ITSN1: variants seen among roughly 807,000 people sequenced by gnomAD.
ITSN1 encodes the protein intersectin-1.
ITSN1 carries 58 observed loss-of-function variants against 239.8 expected under a neutral mutation model. That is an observed-to-expected ratio of 0.24 (90% CI 0.20 to 0.30). The LOEUF (loss-of-function observed/expected upper bound fraction) is 0.30, where lower values mean the gene tolerates loss of function less well. ITSN1 is among the 10% of genes least tolerant of loss of function. The pLI, the probability that ITSN1 is intolerant of heterozygous loss-of-function variation, is 1.00. For synonymous variants in ITSN1, 780 were observed against 770.8 expected (o/e 1.01, Z -0.20); for missense variants, 1,558 against 2,103.3 (o/e 0.74, Z 5.07).
chr21:33,898,923 G>C lies in ITSN1; in HGVS notation c.*10623G>C, dbSNP rs1986940256. On this transcript the variant is annotated 3_prime_UTR_variant, in exon 40 of 40. Transcript: ENST00000381318. Reference sequence around the variant, plus strand: ...TGAATAATCTGCAAATCACTTAGAGGCACTGTCCATGTGGTCCATAACTGG... The same window carrying C: ...TGAATAATCTGCAAATCACTTAGAGCCACTGTCCATGTGGTCCATAACTGG... 6.6e-6 allele frequency: 1 copy of C among 152,218 alleles called. No homozygotes were observed. The highest frequency in any genetic ancestry group is 1.5e-5 in the Non-Finnish European group (1 of 68,050). The allele number at this position is 152,218 out of a possible 1,614,324, so 9.4% of individuals were successfully genotyped here. A position where few individuals can be genotyped will look rare whatever the true frequency, so the allele number is the denominator to read the frequency against.
At chr21:33,821,996 C>A (rs1353270150) in intron 24 of ITSN1, among the ~76,000 whole-genome samples, 3 of 152,196 alleles carry the variant, frequency 2.0e-5, no homozygotes, top group African/African-American at 7.2e-5. Flanking sequence ...TGTGGGAAAT[C>A]ATTTTTCCAA....
At chr21:33,720,868 A>G (rs997568181) in intron 2 of ITSN1, among the ~76,000 whole-genome samples, 2 of 152,154 alleles carry the variant, frequency 1.3e-5, no homozygotes, top group Non-Finnish European at 2.9e-5. Flanking sequence ...GCTTGGGTTT[A>G]TGTAAGTAAA....
chr21:33,700,990 T>TGTGTG (rs1375498602), intron 1 of ITSN1, among the ~76,000 whole-genome samples: 96 of 149,436 alleles, frequency 6.4e-4, no homozygotes, highest in African/African-American at 2.1e-3. Context: ...TGTGTGTGTG[T>TGTGTG]TTTCTTATAG....
At chr21:33,857,710 CA>C (rs1569308963) in intron 30 of ITSN1, among the ~76,000 whole-genome samples, 2 of 152,154 alleles carry the variant, frequency 1.3e-5, no homozygotes, top group Non-Finnish European at 1.5e-5. Flanking sequence ...GATGCAAACT[CA>C]AAAAGGTGCC....
chr21:33,845,069 G>A (rs750307108), intron 29 of ITSN1, among the ~76,000 whole-genome samples: 12 of 151,942 alleles, frequency 7.9e-5, no homozygotes, highest in Non-Finnish European at 1.3e-4. Context: ...TGGTCATAGG[G>A]CCGTGCTCAG....
intron 16 of ITSN1, 89 bp from the exon 17 acceptor site, chr21:33,794,252 C>A: frequency 1.0e-6 from 1 of 992,574 alleles, no homozygotes; most frequent in Non-Finnish European, 1.6e-6. Context: ...GTGTCCTAGG[C>A]TTCCCACTAT....
rs757335622 is a variant in ITSN1 at position 33,739,330 on chromosome 21, C to G, written c.346+4126C>G. On this transcript the variant is annotated intron_variant, in intron 5 of 39. Coordinates refer to ENST00000381318, the MANE Select transcript of ITSN1 (RefSeq NM_003024.3). The stretch of plus-strand genomic sequence containing the variant: ...TCAGCATAATTCTTTTGTTCTGGAC[C>G]CAGCTTATACAGGAGGAGTCTGTTT... Among the ~76,000 whole-genome samples the G allele has an allele frequency of 6.6e-5, 10 of 152,068 alleles. 1 individual carries two copies. Among genetic ancestry groups the G allele is most frequent in the Non-Finnish European group, 4.4e-5 (3 of 68,020 alleles).
chr21:33,682,432 C>T (rs111337183), intron 1 of ITSN1, among the ~76,000 whole-genome samples: 3 of 151,818 alleles, frequency 2.0e-5, no homozygotes, highest in African/African-American at 7.2e-5. Flanking sequence ...TCAGGCTGGT[C>T]TCGAACTCCC....
intron 33 of ITSN1, among the ~76,000 whole-genome samples, chr21:33,872,847 T>G (rs28414038): frequency 0.25 from 37,733 of 152,164 alleles, 5,686 homozygotes; most frequent in East Asian, 0.43. Flanking sequence ...TTTAGGTTCT[T>G]TATAACTTTT....
chr21:33,804,070 G>A (rs1185411189), intron 20 of ITSN1, among the ~76,000 whole-genome samples: 1 of 152,138 alleles, frequency 6.6e-6, no homozygotes, highest in Non-Finnish European at 1.5e-5. Flanking sequence ...CATGAGACAT[G>A]TAGTACAACA....
chr21:33,886,927 A>G (rs137950053), intron 39 of ITSN1, among the ~76,000 whole-genome samples: 1 of 152,170 alleles, frequency 6.6e-6, no homozygotes, highest in Non-Finnish European at 1.5e-5. Context: ...TGTTGAATGA[A>G]TCATTTCTTC....
intron 1 of ITSN1, among the ~76,000 whole-genome samples, chr21:33,706,150 G>A (rs755557093): frequency 1.1e-4 from 16 of 152,148 alleles, no homozygotes; most frequent in Non-Finnish European, 1.6e-4. Context: ...CTCCCGAGTA[G>A]CTGGGATTAC....
chr21:33,691,575 C>T (rs1201771585), intron 1 of ITSN1, among the ~76,000 whole-genome samples: 3 of 152,180 alleles, frequency 2.0e-5, no homozygotes, highest in African/African-American at 7.2e-5. Flanking sequence ...TAAGTGGAGA[C>T]ATCAAGGTCA....
intron 6 of ITSN1, among the ~76,000 whole-genome samples, chr21:33,750,995 T>C (rs2067511869): frequency 6.6e-6 from 1 of 152,244 alleles, no homozygotes; most frequent in South Asian, 2.1e-4. Context: ...ATTGACGACA[T>C]GGGTTTTAGC....
chr21:33,719,156 C>G (rs964020180), intron 2 of ITSN1, among the ~76,000 whole-genome samples: 3 of 152,134 alleles, frequency 2.0e-5, no homozygotes, highest in African/African-American at 7.2e-5. Flanking sequence ...ATTTACAATA[C>G]CGGGCCGGGC....
intron 1 of ITSN1, among the ~76,000 whole-genome samples, chr21:33,711,261 C>T (rs2092406764): frequency 1.3e-5 from 2 of 151,852 alleles, no homozygotes; most frequent in African/African-American, 4.8e-5. Context: ...GATGGGGATG[C>T]CCCTTATTTC....
chr21:33,703,424 T>G (rs1002229314), intron 1 of ITSN1, among the ~76,000 whole-genome samples: 1 of 152,190 alleles, frequency 6.6e-6, no homozygotes, highest in African/African-American at 2.4e-5. Context: ...TTTAAAAATC[T>G]GAACATTATC....
intron 9 of ITSN1, among the ~76,000 whole-genome samples, chr21:33,765,375 T>C (rs2068646459): frequency 6.6e-6 from 1 of 152,136 alleles, no homozygotes; most frequent in Non-Finnish European, 1.5e-5. Flanking sequence ...GCGCACACCT[T>C]GTAATCTCAC....
At chr21:33,708,585 C>T (rs1298096381) in intron 1 of ITSN1, among the ~76,000 whole-genome samples, 3 of 152,084 alleles carry the variant, frequency 2.0e-5, no homozygotes, top group East Asian at 3.9e-4. Flanking sequence ...CGGGTTTCTC[C>T]ATGTTGGTCA....
Sources: gnomAD v4.1 joint callset for allele counts (sites outside exome capture counted in the v4.1 genomes callset) on GRCh38, gnomAD v4.1.1 for gene constraint, MANE v1.5 for transcripts, NCBI Gene and HGNC (gene_info 2026-07-23, HGNC 2026-07-21) for gene names.